Variants in RIMS1 observed in about 807,000 individuals in gnomAD.
RIMS1 encodes the protein regulating synaptic membrane exocytosis protein 1.
Under a neutral mutation model 214.1 loss-of-function variants are expected in RIMS1, and 83 were observed. The ratio of observed to expected loss-of-function variants is 0.39; its 90% CI spans 0.32 to 0.47. The LOEUF is 0.47. RIMS1 is among the 20% of genes least tolerant of loss of function. The probability of loss-of-function intolerance (pLI) is 0.99; values close to 1 mark genes in which losing one functional copy is unlikely to be tolerated. For synonymous variants in RIMS1, 793 were observed against 786.8 expected (o/e 1.01, Z -0.13); for missense variants, 2,050 against 2,161.8 (o/e 0.95, Z 1.03).
At chr6:72,333,368 G>A (rs2096735829) in intron 28 of RIMS1, among the ~76,000 whole-genome samples, 1 of 151,748 alleles carries the variant, frequency 6.6e-6, no homozygotes, top group Non-Finnish European at 1.5e-5. Flanking sequence ...TCTTTAAAAA[G>A]ATTCTAAATT....
intron 30 of RIMS1, 40 bp from the exon 31 acceptor site, chr6:72,392,658 C>T: frequency 7.4e-7 from 1 of 1,345,930 alleles, no homozygotes; most frequent in Non-Finnish European, 1.1e-6. Context: ...TAGAAGATTT[C>T]ATGGGTTTTT....
chr6:72,007,841 G>C (rs1031559268), intron 2 of RIMS1, among the ~76,000 whole-genome samples: 1 of 152,206 alleles, frequency 6.6e-6, no homozygotes, highest in Non-Finnish European at 1.5e-5. Flanking sequence ...CCAAATCTAT[G>C]TCTGATTGGT....
chr6:72,367,856 C>G (rs998996003), intron 29 of RIMS1, among the ~76,000 whole-genome samples: 2 of 152,080 alleles, frequency 1.3e-5, no homozygotes, highest in African/African-American at 4.8e-5. Flanking sequence ...CATAGATTAT[C>G]CAAGAAGAGT....
intron 12 of RIMS1, among the ~76,000 whole-genome samples, chr6:72,249,565 G>C (rs1289664425): frequency 6.6e-6 from 1 of 152,082 alleles, no homozygotes; most frequent in African/African-American, 2.4e-5. Context: ...AGACTGAAGA[G>C]TTCAAGACTA....
intron 2 of RIMS1, among the ~76,000 whole-genome samples, chr6:72,010,249 T>A (rs1809886163): frequency 6.6e-6 from 1 of 152,200 alleles, no homozygotes; most frequent in South Asian, 2.1e-4. Flanking sequence ...TCTCAATAGA[T>A]GCAGAAAAGT....
At chr6:72,020,558 T>C (rs1814301764) in intron 2 of RIMS1, among the ~76,000 whole-genome samples, 1 of 152,218 alleles carries the variant, frequency 6.6e-6, no homozygotes, top group Admixed American at 6.5e-5. Context: ...CTTCCTTCAC[T>C]ACATCTGTTG....
intron 7 of RIMS1, among the ~76,000 whole-genome samples, chr6:72,234,685 C>A (rs1416776300): frequency 6.6e-6 from 1 of 151,958 alleles, no homozygotes; most frequent in South Asian, 2.1e-4. Context: ...AGAATAGTTT[C>A]ACTGATCTAA....
chr6:72,271,282 AAAAAATATATATATAT>A (rs1305606393), intron 22 of RIMS1, among the ~76,000 whole-genome samples: 6 of 68,348 alleles, frequency 8.8e-5, no homozygotes, highest in East Asian at 5.6e-4. Context: ...AAAAAAAAAA[AAAAAATATATATATAT>A]ATATATATAT....
At chr6:72,010,562 A>G (rs936116081) in intron 2 of RIMS1, among the ~76,000 whole-genome samples, 1 of 152,224 alleles carries the variant, frequency 6.6e-6, no homozygotes, top group Non-Finnish European at 1.5e-5. Context: ...AGATGTTATA[A>G]TTGTATATCT....
chr6:72,212,961 T>C (rs1490036042), intron 6 of RIMS1: 1 of 1,411,668 alleles, frequency 7.1e-7, no homozygotes, highest in African/African-American at 1.4e-5. Flanking sequence ...CAATGTTTTA[T>C]TTCAGTTTCC....
chr6:72,050,256 A>G (rs1473291893), intron 2 of RIMS1, among the ~76,000 whole-genome samples: 2 of 152,174 alleles, frequency 1.3e-5, no homozygotes, highest in Non-Finnish European at 2.9e-5. Flanking sequence ...CTCTCAACTC[A>G]CAAGGACTAG....
chr6:72,239,035 T>C (rs1177500915), intron 9 of RIMS1, among the ~76,000 whole-genome samples: 1 of 152,152 alleles, frequency 6.6e-6, no homozygotes, highest in Admixed American at 6.6e-5. Context: ...TTATTTCTTA[T>C]GAAGGACCAG....
At chr6:72,101,998 T>C (rs1453738276) in intron 4 of RIMS1, among the ~76,000 whole-genome samples, 1 of 152,004 alleles carries the variant, frequency 6.6e-6, no homozygotes, top group Non-Finnish European at 1.5e-5. Flanking sequence ...ATTATGATTA[T>C]ATTTTTTACT....
chr6:72,265,204 A>G (rs2079927328), intron 20 of RIMS1, among the ~76,000 whole-genome samples, 152 bp downstream of exon 20: 1 of 152,162 alleles, frequency 6.6e-6, no homozygotes, highest in Non-Finnish European at 1.5e-5. Context: ...ACAGTGAGAG[A>G]CATTAAATTA....
In RIMS1 at chr6:71,904,539, C is replaced by T. The variant is rs369615737; in HGVS notation, c.164+17352C>T. 2.9e-3 allele frequency among the ~76,000 whole-genome samples: 440 copies of T among 152,202 alleles called. 5 individuals carry two copies. In the South Asian group the frequency reaches 0.038, roughly 13 times the overall value. ...GGGAAGTCTGATAGCTAATAGCATC[C>T]TGACATCTGGAGGAGTAAGACCCCA... On this transcript the variant is annotated intron_variant, in intron 1 of 33. Transcript: ENST00000521978.
intron 4 of RIMS1, among the ~76,000 whole-genome samples, chr6:72,148,814 A>G (rs2043107070): frequency 6.6e-6 from 1 of 151,864 alleles, no homozygotes; most frequent in Non-Finnish European, 1.5e-5. Flanking sequence ...ATTAAGTCCA[A>G]GGTGACCCTC....
chr6:72,255,154 A>T (rs1052850134), intron 16 of RIMS1, among the ~76,000 whole-genome samples: 1 of 152,188 alleles, frequency 6.6e-6, no homozygotes, highest in African/African-American at 2.4e-5. Flanking sequence ...ATACATTTTA[A>T]ATGAAGAGGA....
At chr6:71,889,126 A>C (rs1437811343) in intron 1 of RIMS1, among the ~76,000 whole-genome samples, 1 of 152,110 alleles carries the variant, frequency 6.6e-6, no homozygotes, top group Non-Finnish European at 1.5e-5. Flanking sequence ...TCCAGTAGCT[A>C]GTGGAAAATA....
intron 2 of RIMS1, among the ~76,000 whole-genome samples, chr6:72,021,953 A>G (rs1242220989): frequency 6.6e-6 from 1 of 152,188 alleles, no homozygotes; most frequent in African/African-American, 2.4e-5. Flanking sequence ...ATGGCCATCC[A>G]TACCTGCATA....
Sources: allele counts gnomAD v4.1 joint callset (sites outside exome capture counted in the v4.1 genomes callset), GRCh38; gene constraint gnomAD v4.1.1; transcripts MANE v1.5; gene names NCBI Gene and HGNC (gene_info 2026-07-23, HGNC 2026-07-21).